The following BCL7C variants were observed in gnomAD, a reference collection of about 807,000 sequenced individuals.
The protein encoded by BCL7C is B-cell CLL/lymphoma 7 protein family member C.
BCL7C carries 8 observed loss-of-function variants against 26.2 expected under a neutral mutation model. That is an observed-to-expected ratio of 0.30 (90% CI 0.18 to 0.55). The LOEUF (loss-of-function observed/expected upper bound fraction) is 0.55. BCL7C is among the 20% of genes least tolerant of loss of function. The pLI is 0.93. For missense variants in BCL7C, 262 were observed against 298.5 expected (o/e 0.88, Z 0.90); for synonymous variants, 90 against 116.5 (o/e 0.77, Z 1.47).
Position 30,893,149 on chromosome 16 carries a change from G to A in BCL7C, c.171+63C>T. Reference sequence around the variant, plus strand: ...CGGGGAGCTGGAGGTAGAGGTCAGCGTGGGGAGGAACTTGCCTGAGGTTGC... The same window carrying A: ...CGGGGAGCTGGAGGTAGAGGTCAGCATGGGGAGGAACTTGCCTGAGGTTGC... On this transcript the variant is annotated intron_variant, in intron 2 of 5. Transcript: ENST00000215115. This position sits in a 1 kb window ranked among gnomAD's most constrained non-coding sequence, Gnocchi z 5.2. 1.3e-6 allele frequency: 2 copies of A among 1,535,178 alleles called. No homozygotes were observed. Among genetic ancestry groups the A allele is most frequent in the East Asian group, 2.3e-5 (1 of 44,166 alleles).
chr16:30,860,741 GT>G (rs2054764546), intron 5 of BCL7C, among the ~76,000 whole-genome samples: 1 of 152,018 alleles, frequency 6.6e-6, no homozygotes, highest in African/African-American at 2.4e-5. Context: ...AATGTGACTC[GT>G]CCCAAATCTT....
chr16:30,889,104 G>C, intron 4 of BCL7C, 159 bp from the exon 5 acceptor site: 3 of 671,874 alleles, frequency 4.5e-6, no homozygotes, highest in South Asian at 3.6e-5. Context: ...CCAGGAAGCA[G>C]AGGAGGGAAC....
intron 5 of BCL7C, among the ~76,000 whole-genome samples, chr16:30,864,792 T>G (rs1000140225): frequency 2.0e-5 from 3 of 151,982 alleles, no homozygotes; most frequent in Admixed American, 6.6e-5. Context: ...TCCACCACTG[T>G]GATTTGTTCC....
At chr16:30,849,455 G>A (rs572828598) in intron 5 of BCL7C, among the ~76,000 whole-genome samples, 14 of 151,656 alleles carry the variant, frequency 9.2e-5, no homozygotes, top group African/African-American at 2.7e-4. Context: ...CCACATCCCC[G>A]TTTTTTGTTT....
intron 5 of BCL7C, among the ~76,000 whole-genome samples, chr16:30,837,275 G>C (rs2054575888): frequency 6.6e-6 from 1 of 152,114 alleles, no homozygotes; most frequent in Non-Finnish European, 1.5e-5. Context: ...GAAAAATCAG[G>C]ATGGGTCTAT....
chr16:30,858,665 A>G (rs892927188), intron 5 of BCL7C, among the ~76,000 whole-genome samples: 3 of 152,176 alleles, frequency 2.0e-5, no homozygotes, highest in Non-Finnish European at 4.4e-5. Flanking sequence ...ACTCGGAGAT[A>G]CTGGAAGAAA....
Position 30,893,337 on chromosome 16 carries a change from CA to C in BCL7C, c.93-48del, listed in dbSNP as rs772932570. The C allele has an allele frequency of 6.5e-7, 1 of 1,528,550 alleles. No homozygotes were observed. The highest frequency in any genetic ancestry group is 9.0e-7 in the Non-Finnish European group (1 of 1,111,238). 94.7% of individuals were successfully genotyped at this position (1,528,550 alleles called of 1,614,324 possible). ...GGTCAGAGAGGCCTGAGGGGAGACC[CA>C]CCCCCCTAGGAGCTGGACACATCTG... On this transcript the variant is annotated intron_variant, in intron 1 of 5. Transcript: ENST00000215115. This position sits in a 1 kb window ranked among gnomAD's most constrained non-coding sequence, Gnocchi z 5.2.
chr16:30,879,707 A>AAAAAAAAAAAAAAAAC (rs2055012833), intron 5 of BCL7C, among the ~76,000 whole-genome samples: 1 of 147,722 alleles, frequency 6.8e-6, no homozygotes, highest in Non-Finnish European at 1.5e-5. Context: ...AAAAAAAAAA[A>AAAAAAAAAAAAAAAAC]AACTGGGCAC....
At chr16:30,844,818 C>T (rs910981513) in intron 5 of BCL7C, among the ~76,000 whole-genome samples, 2 of 152,172 alleles carry the variant, frequency 1.3e-5, no homozygotes, top group African/African-American at 4.8e-5. Flanking sequence ...TCTAAGATAA[C>T]GGGCTGGACT....
At chr16:30,841,847 C>T (rs543109296) in intron 5 of BCL7C, among the ~76,000 whole-genome samples, 122 of 148,320 alleles carry the variant, frequency 8.2e-4, no homozygotes, top group Non-Finnish European at 1.3e-3. Context: ...CCCAGCCACT[C>T]GGGAGGCTGA....
Position 30,887,812 on chromosome 16 carries a change from T to C in BCL7C, c.*53A>G, listed in dbSNP as rs1479312204. The C allele has an allele frequency of 6.5e-7, 1 of 1,531,330 alleles. No homozygotes were observed. The highest frequency in any genetic ancestry group is 8.7e-7 in the Non-Finnish European group (1 of 1,145,828). The allele number at this position is 1,531,330 out of a possible 1,614,324, so 94.9% of individuals were successfully genotyped here. ...ACACAAAATTACAAAAGGGTCTTTA[T>C]TTGTAAAAAGCCAAAGGGGCCCCTG... On this transcript the variant is annotated 3_prime_UTR_variant, in exon 6 of 6. Coordinates refer to ENST00000215115, the MANE Select transcript of BCL7C (RefSeq NM_004765.4).
intron 5 of BCL7C, chr16:30,851,678 G>A (rs2054676088): frequency 1.4e-6 from 1 of 729,342 alleles, no homozygotes; most frequent in Non-Finnish European, 2.3e-6. Context: ...CTTCTCAGAT[G>A]TAATGGTTTC....
At chr16:30,892,817 C>T (rs184556107) in intron 3 of BCL7C, 23 bp downstream of exon 3, 6 of 1,613,734 alleles carry the variant, frequency 3.7e-6, no homozygotes, top group South Asian at 1.1e-5. Flanking sequence ...CACAGCCCCC[C>T]GCGTTTCAGG....
chr16:30,885,825 T>G (rs1292866927), downstream of BCL7C, among the ~76,000 whole-genome samples: 2 of 152,168 alleles, frequency 1.3e-5, no homozygotes, highest in African/African-American at 4.8e-5. Flanking sequence ...CCAACACCAC[T>G]GCAGCTGCTG....
chr16:30,841,953 C>CAAAAAAAA (rs1183661130), intron 5 of BCL7C, among the ~76,000 whole-genome samples: 1 of 22,250 alleles, frequency 4.5e-5, no homozygotes, highest in East Asian at 1.5e-3. Context: ...GACTCCATCT[C>CAAAAAAAA]AAAAAAAAAA....
At chr16:30,861,807 T>A (rs2054775260) in intron 5 of BCL7C, among the ~76,000 whole-genome samples, 3 of 151,554 alleles carry the variant, frequency 2.0e-5, no homozygotes, top group Admixed American at 1.3e-4. Flanking sequence ...ACGACCAGGC[T>A]TCTAAACCTC....
intron 5 of BCL7C, among the ~76,000 whole-genome samples, chr16:30,861,765 AG>A (rs1485867896): frequency 6.6e-6 from 1 of 151,838 alleles, no homozygotes; most frequent in Non-Finnish European, 1.5e-5. Context: ...CTTCTTTTCA[AG>A]GGACTGTTTC....
At chr16:30,862,177 C>T (rs898687140) in intron 5 of BCL7C, among the ~76,000 whole-genome samples, 6 of 152,124 alleles carry the variant, frequency 3.9e-5, no homozygotes, top group Non-Finnish European at 8.8e-5. Flanking sequence ...GTTATCCCCA[C>T]CTGCCCAGCT....
downstream of BCL7C, among the ~76,000 whole-genome samples, chr16:30,885,124 G>C (rs1383506455): frequency 6.6e-6 from 1 of 152,208 alleles, no homozygotes; most frequent in Non-Finnish European, 1.5e-5. Context: ...GGCTTTTGCA[G>C]GTGTGATGAA....
Sources: gnomAD v4.1 joint callset for allele counts (sites outside exome capture counted in the v4.1 genomes callset) on GRCh38, gnomAD v4.1.1 for gene constraint, Gnocchi (gnomAD v3.1) non-coding constraint, MANE v1.5 for transcripts, NCBI Gene and HGNC (gene_info 2026-07-23, HGNC 2026-07-21) for gene names.